FMN1: variants seen among roughly 807,000 people sequenced by gnomAD.
FMN1 encodes formin-1.
A neutral mutation model predicts 132.4 loss-of-function variants in FMN1; 110 were observed. The observed-to-expected ratio is 0.83, with a 90% confidence interval of 0.71 to 0.97. The LOEUF is 0.97. FMN1 is among the 50% of genes least tolerant of loss of function. The pLI is 0.00. For missense variants in FMN1, 1,792 were observed against 1,705.3 expected, an observed-to-expected ratio of 1.05 and a Z score of -0.90; for synonymous variants, 722 against 651.7, an observed-to-expected ratio of 1.11 and a Z score of -1.64.
At chr15:32,830,161 TA>T (rs369977305) in intron 17 of FMN1, among the ~76,000 whole-genome samples, 2,291 of 139,470 alleles carry the variant, frequency 0.016, 28 homozygotes, top group Middle Eastern at 0.046. Flanking sequence ...AAAAATAAAG[TA>T]AAAAAAAAAA....
At position 33,059,660 on chromosome 15, in the gene FMN1, C is replaced by T. The variant is rs112841363; in HGVS notation, c.2161+5297G>A. Among the ~76,000 whole-genome samples, 1,247 of 152,306 alleles carry T rather than the reference C, an allele frequency of 8.2e-3. 16 individuals carry two copies. Among genetic ancestry groups the T allele is most frequent in the African/African-American group, 0.028 (1,154 of 41,564 alleles). On this transcript the variant is annotated intron_variant, in intron 6 of 20. Transcript: ENST00000616417. The stretch of plus-strand genomic sequence containing the variant: ...ATAATTCCAACTCATAATTATTACA[C>T]ATAATTTATCAACAGAGTATTAATA...
At chr15:32,835,112 A>C (rs904819794) in intron 17 of FMN1, among the ~76,000 whole-genome samples, 1 of 152,174 alleles carries the variant, frequency 6.6e-6, no homozygotes, top group Non-Finnish European at 1.5e-5. Context: ...TAAAAGCACA[A>C]GGCTGCTAGT....
At chr15:32,867,632 G>T (rs1330830142) in intron 16 of FMN1, among the ~76,000 whole-genome samples, 3 of 151,736 alleles carry the variant, frequency 2.0e-5, no homozygotes, top group Non-Finnish European at 2.9e-5. Flanking sequence ...TCAGCCCCCT[G>T]CCCCCCGCTC....
intron 6 of FMN1, among the ~76,000 whole-genome samples, chr15:33,047,915 A>G (rs909596544): frequency 2.0e-5 from 3 of 152,208 alleles, no homozygotes; most frequent in Non-Finnish European, 4.4e-5. Flanking sequence ...AAAATCTTAC[A>G]ACTATTGGAT....
chr15:33,133,094 C>T (rs1963617097), intron 4 of FMN1, among the ~76,000 whole-genome samples: 1 of 152,128 alleles, frequency 6.6e-6, no homozygotes, highest in Non-Finnish European at 1.5e-5. Context: ...CTCTTTGCCT[C>T]CCACATCAGG....
chr15:33,128,514 G>A (rs778663478), intron 4 of FMN1, among the ~76,000 whole-genome samples: 4 of 152,222 alleles, frequency 2.6e-5, no homozygotes, highest in African/African-American at 7.2e-5. Context: ...ATTACACTGA[G>A]AATGAAACAG....
intron 7 of FMN1, among the ~76,000 whole-genome samples, chr15:32,989,048 AAC>A (rs2033267063): frequency 6.6e-6 from 1 of 152,208 alleles, no homozygotes; most frequent in South Asian, 2.1e-4. Context: ...ACCTTCTGGA[AAC>A]ACAGTTTTTC....
Position 32,888,088 on chromosome 15 carries a change from T to C in FMN1, c.3835+84A>G, listed in dbSNP as rs564050258. The C allele has an allele frequency of 3.6e-5, 45 of 1,238,828 alleles. No individual in the cohort carries two copies. In the South Asian group the frequency reaches 6.8e-4, roughly 19 times the overall value. 76.7% of individuals were successfully genotyped at this position (1,238,828 alleles called of 1,614,324 possible). A position where few individuals can be genotyped will look rare whatever the true frequency, so the allele number is the denominator to read the frequency against. Reference sequence around the variant, plus strand: ...TGAACTCTGCACCAATCCCACTCTATGAACCAGACCTAAATAATCCTCTTA... The same window carrying C: ...TGAACTCTGCACCAATCCCACTCTACGAACCAGACCTAAATAATCCTCTTA... On this transcript the variant is annotated intron_variant, in intron 16 of 20. Transcript: ENST00000616417.
chr15:32,937,744 C>T (rs1393737741), intron 9 of FMN1, among the ~76,000 whole-genome samples: 3 of 152,218 alleles, frequency 2.0e-5, no homozygotes, highest in Non-Finnish European at 4.4e-5. Context: ...TGAAAGGGGG[C>T]TGGCCTCTCC....
intron 6 of FMN1, among the ~76,000 whole-genome samples, chr15:33,057,090 A>C (rs540339337): frequency 6.6e-6 from 1 of 152,356 alleles, no homozygotes; most frequent in East Asian, 1.9e-4. Flanking sequence ...AGGCAGAAGA[A>C]TGGGTTGAAC....
At position 32,908,504 on chromosome 15, in the gene FMN1, C is replaced by G; in HGVS notation, c.3363G>C (p.Leu1121=). 1 of 1,609,652 alleles carries G rather than the reference C, an allele frequency of 6.2e-7. No individual in the cohort carries two copies. Among genetic ancestry groups the G allele is most frequent in the Non-Finnish European group, 8.5e-7 (1 of 1,176,792 alleles). ...ETSKEEELKL[L]DKPEQFLHEL... is the part of the protein sequence containing the mutation. ...AGTATCCTTACTGCTCAGGTTTATC[C>G]AGCAGCTTCAGTTCTTCTTCTTTGG... Residue 1121 remains leucine, a synonymous_variant, in exon 12 of 21, where the codon CTG becomes CTC. Transcript: ENST00000616417.
rs576458137 is a variant in FMN1 at position 32,996,155 on chromosome 15, G to T, written c.2223+11859C>A. 5.5e-4 allele frequency among the ~76,000 whole-genome samples: 84 copies of T among 152,284 alleles called. No homozygotes were observed. In the South Asian group the frequency reaches 0.016, roughly 28 times the overall value. On this transcript the variant is annotated intron_variant, in intron 7 of 20. Coordinates refer to ENST00000616417, the MANE Select transcript of FMN1 (RefSeq NM_001277313.2). ...CAGTCCCACCTAAGCTATCCCAACA[G>T]TTGTAATCAGTCAAAATGACCAAGT... is the stretch of plus-strand genomic sequence containing the variant.
At chr15:32,871,102 G>T (rs568730012) in intron 16 of FMN1, among the ~76,000 whole-genome samples, 1 of 152,136 alleles carries the variant, frequency 6.6e-6, no homozygotes, top group African/African-American at 2.4e-5. Context: ...TGGAGGTACC[G>T]GGCCTCTGAA....
intron 15 of FMN1, among the ~76,000 whole-genome samples, chr15:32,892,273 T>C (rs1373218099): frequency 2.0e-5 from 3 of 152,254 alleles, no homozygotes; most frequent in African/African-American, 7.2e-5. Context: ...AAAGGAATGC[T>C]GGATTTTGTT....
At chr15:33,118,444 G>A (rs900407223) in intron 4 of FMN1, among the ~76,000 whole-genome samples, 1 of 152,096 alleles carries the variant, frequency 6.6e-6, no homozygotes, top group African/African-American at 2.4e-5. Context: ...CCAGCAAACA[G>A]AGAAATAGGA....
intron 6 of FMN1, among the ~76,000 whole-genome samples, chr15:33,026,096 T>TAC (rs58334971): frequency 0.029 from 4,251 of 144,752 alleles, 103 homozygotes; most frequent in African/African-American, 0.066. Context: ...TGCTTAGGCA[T>TAC]ACACACACAC....
At chr15:33,150,310 CA>C (rs976872964) in intron 4 of FMN1, 2 of 985,348 alleles carry the variant, frequency 2.0e-6, no homozygotes, top group African/African-American at 3.5e-5. Flanking sequence ...CCATACTCCA[CA>C]AAGGCTTGGG....
At chr15:33,138,138 T>G (rs1330944761) in intron 4 of FMN1, among the ~76,000 whole-genome samples, 2 of 152,204 alleles carry the variant, frequency 1.3e-5, no homozygotes, top group African/African-American at 4.8e-5. Context: ...AACTGCCTGC[T>G]ATGACACAGG....
intron 6 of FMN1, among the ~76,000 whole-genome samples, chr15:33,031,012 G>A (rs1243928146): frequency 2.0e-5 from 3 of 146,832 alleles, no homozygotes; most frequent in East Asian, 2.1e-4. Flanking sequence ...GGTGTGCAAT[G>A]TTCCCCTCCC....
Sources: gnomAD v4.1 joint callset for allele counts (sites outside exome capture counted in the v4.1 genomes callset) on GRCh38, gnomAD v4.1.1 for gene constraint, MANE v1.5 for transcripts, NCBI Gene and HGNC (gene_info 2026-07-23, HGNC 2026-07-21) for gene names.